KCTD8: variants seen among roughly 807,000 people sequenced by gnomAD.
The protein encoded by KCTD8 is BTB/POZ domain-containing protein KCTD8.
Under a neutral mutation model 31.5 loss-of-function variants are expected in KCTD8, and 27 were observed. The observed-to-expected ratio is 0.86, with a 90% CI of 0.63 to 1.18. The LOEUF is 1.18. KCTD8 is among the 50% of genes most tolerant of loss of function. The pLI, the probability that KCTD8 is intolerant of heterozygous loss-of-function variation, is 0.00. For synonymous variants in KCTD8, 290 were observed against 280.0 expected, an observed-to-expected ratio of 1.04 and a Z score of -0.36; for missense variants, 658 against 647.7, an observed-to-expected ratio of 1.02 and a Z score of -0.17.
At chr4:44,432,369 T>C (rs1721527075) in intron 1 of KCTD8, among the ~76,000 whole-genome samples, 1 of 151,544 alleles carries the variant, frequency 6.6e-6, no homozygotes, top group African/African-American at 2.4e-5. Context: ...CTGTCCTCTT[T>C]TCACTTAATA....
chr4:44,396,327 TCCTGCTTTGCAG>T (rs1241037454), intron 1 of KCTD8, among the ~76,000 whole-genome samples: 1 of 152,146 alleles, frequency 6.6e-6, no homozygotes, highest in Non-Finnish European at 1.5e-5. Context: ...ATCACTCACC[TCCTGCTTTGCAG>T]CCTGCTTTCT....
At chr4:44,206,946 C>G (rs1169916557) in intron 1 of KCTD8, among the ~76,000 whole-genome samples, 1 of 152,176 alleles carries the variant, frequency 6.6e-6, no homozygotes, top group Admixed American at 6.5e-5. Flanking sequence ...AATAACCATT[C>G]AAAATGAACA....
intron 1 of KCTD8, among the ~76,000 whole-genome samples, chr4:44,204,583 C>T (rs529392768): frequency 1.3e-5 from 2 of 152,228 alleles, no homozygotes; most frequent in African/African-American, 2.4e-5. Context: ...ACAGGAATTG[C>T]TCACTCAGGG....
chr4:44,400,893 G>A (rs1217694031), intron 1 of KCTD8, among the ~76,000 whole-genome samples: 2 of 151,664 alleles, frequency 1.3e-5, no homozygotes, highest in African/African-American at 2.4e-5. Flanking sequence ...CTGGACTACA[G>A]TGGTATAATC....
chr4:44,309,218 T>G (rs1298681304), intron 1 of KCTD8, among the ~76,000 whole-genome samples: 1 of 152,034 alleles, frequency 6.6e-6, no homozygotes, highest in Non-Finnish European at 1.5e-5. Flanking sequence ...GTATTTTTTT[T>G]TTTAGAGATG....
intron 1 of KCTD8, among the ~76,000 whole-genome samples, chr4:44,359,495 AGAAG>A (rs1719442651): frequency 6.6e-6 from 1 of 152,188 alleles, no homozygotes. Context: ...TTAGCGACAG[AGAAG>A]GAAACAACAT....
At chr4:44,372,584 T>C (rs760557744) in intron 1 of KCTD8, among the ~76,000 whole-genome samples, 1 of 152,218 alleles carries the variant, frequency 6.6e-6, no homozygotes, top group Admixed American at 6.5e-5. Flanking sequence ...AAGAATTTCT[T>C]ATTTCTATGT....
chr4:44,281,136 A>G (rs1176432363), intron 1 of KCTD8, among the ~76,000 whole-genome samples: 1 of 142,960 alleles, frequency 7.0e-6, no homozygotes, highest in African/African-American at 2.6e-5. Context: ...TTAGCACGAG[A>G]GCCAGTCTGA....
chr4:44,409,976 C>T (rs1410404068), intron 1 of KCTD8, among the ~76,000 whole-genome samples: 1 of 152,124 alleles, frequency 6.6e-6, no homozygotes, highest in African/African-American at 2.4e-5. Context: ...ATTTCAATTG[C>T]TTCAGGGGTA....
At chr4:44,386,204 C>T (rs77037383) in intron 1 of KCTD8, among the ~76,000 whole-genome samples, 1,627 of 151,538 alleles carry the variant, frequency 0.011, 25 homozygotes, top group African/African-American at 0.038. Flanking sequence ...TGGGTATATA[C>T]TCCCAAAATT....
At position 44,322,175 on chromosome 4, in the gene KCTD8, T is replaced by C. The variant is rs1308317689; in HGVS notation, c.961+125388A>G. 2.0e-5 allele frequency among the ~76,000 whole-genome samples: 3 copies of C among 152,050 alleles called. 1 individual carries two copies. The highest frequency in any genetic ancestry group is 4.8e-5 in the African/African-American group (2 of 41,342). On this transcript the variant is annotated intron_variant, in intron 1 of 1. Transcript: ENST00000360029. ...ACTTTTAGTTTTTCAGAAACTTCCA[T>C]ACTGTTTTCCATAATGGCTATACCA...
At chr4:44,364,355 T>C (rs1719576552) in intron 1 of KCTD8, among the ~76,000 whole-genome samples, 1 of 152,066 alleles carries the variant, frequency 6.6e-6, no homozygotes, top group African/African-American at 2.4e-5. Context: ...GATATGTCAT[T>C]AGGGAATTGC....
chr4:44,361,543 G>T (rs1466713251), intron 1 of KCTD8, among the ~76,000 whole-genome samples: 1 of 152,016 alleles, frequency 6.6e-6, no homozygotes, highest in East Asian at 1.9e-4. Context: ...AAACATTTCT[G>T]CTGTTAGTCA....
intron 1 of KCTD8, among the ~76,000 whole-genome samples, chr4:44,274,274 G>C (rs988703343): frequency 6.6e-6 from 1 of 151,832 alleles, no homozygotes; most frequent in African/African-American, 2.4e-5. Flanking sequence ...CTACTGAATG[G>C]TGTCATGTGG....
chr4:44,371,413 A>G (rs1719782039), intron 1 of KCTD8, among the ~76,000 whole-genome samples: 1 of 152,196 alleles, frequency 6.6e-6, no homozygotes, highest in South Asian at 2.1e-4. Context: ...TCACATAAGA[A>G]CAGGGACTTT....
chr4:44,422,929 T>C (rs576645301), intron 1 of KCTD8, among the ~76,000 whole-genome samples: 1 of 152,068 alleles, frequency 6.6e-6, no homozygotes, highest in Non-Finnish European at 1.5e-5. Flanking sequence ...GATGTTGTTG[T>C]TGGTGGATAG....
At chr4:44,237,049 C>G (rs1233724675) in intron 1 of KCTD8, among the ~76,000 whole-genome samples, 1 of 152,084 alleles carries the variant, frequency 6.6e-6, no homozygotes, top group Non-Finnish European at 1.5e-5. Flanking sequence ...TTTAAATCAC[C>G]CAGTCTTGGG....
At chr4:44,181,816 G>A (rs1036821105) in intron 1 of KCTD8, among the ~76,000 whole-genome samples, 1 of 151,450 alleles carries the variant, frequency 6.6e-6, no homozygotes, top group Non-Finnish European at 1.5e-5. Context: ...GTCTCTGCCC[G>A]GCTGCCCATC....
At chr4:44,224,409 ATT>A (rs1238712249) in intron 1 of KCTD8, among the ~76,000 whole-genome samples, 1 of 152,162 alleles carries the variant, frequency 6.6e-6, no homozygotes, top group Non-Finnish European at 1.5e-5. Context: ...TCAATGCCTT[ATT>A]CATTATACAA....
Sources: gnomAD v4.1 joint callset for allele counts (sites outside exome capture counted in the v4.1 genomes callset) on GRCh38, gnomAD v4.1.1 for gene constraint, MANE v1.5 for transcripts, NCBI Gene and HGNC (gene_info 2026-07-23, HGNC 2026-07-21) for gene names.